The following MGARP variants were observed in gnomAD, a reference collection of about 807,000 sequenced individuals.
The protein encoded by MGARP is protein MGARP.
In MGARP, 12 loss-of-function variants were observed where a neutral mutation model predicts 11.0. That is an observed-to-expected ratio of 1.09 (90% confidence interval 0.70 to 1.77). The LOEUF (loss-of-function observed/expected upper bound fraction) is 1.77. Among genes scored for constraint, MGARP ranks in the 40% most tolerant of loss-of-function variants. The probability of loss-of-function intolerance (pLI) is 0.00; values close to 1 mark genes in which losing one functional copy is unlikely to be tolerated. For missense variants in MGARP, 283 were observed against 297.8 expected (o/e 0.95, Z 0.36); for synonymous variants, 110 against 115.4 (o/e 0.95, Z 0.30).
chr4:139,277,141 G>A lies in MGARP; in HGVS notation c.83-1749C>T, dbSNP rs114664665. Among the ~76,000 whole-genome samples the A allele has an allele frequency of 5.7e-3, 867 of 152,226 alleles. 12 individuals carry two copies. The highest frequency in any genetic ancestry group is 0.02 in the African/African-American group (822 of 41,526). ...AGTTTCTAATTTTGGAACATTTTGT[G>A]TTTTAGATTTTTGGATTAAGCATGT... On this transcript the variant is annotated intron_variant, in intron 1 of 3. Coordinates refer to ENST00000398955, the MANE Select transcript of MGARP (RefSeq NM_032623.4).
At chr4:139,275,260 T>C in intron 2 of MGARP, 29 bp downstream of exon 2, 3 of 1,568,268 alleles carry the variant, frequency 1.9e-6, no homozygotes, top group Admixed American at 1.7e-5. Flanking sequence ...ACATGAATTC[T>C]TGAGCACTGT....
At chr4:139,279,917 G>A (rs886125564) in intron 1 of MGARP, among the ~76,000 whole-genome samples, 160 bp downstream of exon 1, 1 of 152,226 alleles carries the variant, frequency 6.6e-6, no homozygotes, top group Non-Finnish European at 1.5e-5. Context: ...GCTTCGGGAC[G>A]TCTTCCCGGG....
At position 139,280,107 on chromosome 4, in the gene MGARP, G is replaced by C; in HGVS notation, c.52C>G (p.Pro18Ala). The C allele has an allele frequency of 6.2e-7, 1 of 1,612,050 alleles. No individual in the cohort carries two copies. Among genetic ancestry groups the C allele is most frequent in the Non-Finnish European group, 8.5e-7 (1 of 1,179,712 alleles). Reference sequence around the variant, plus strand: ...TTTCCGAGCGGCGCGGGGTTGGGGGGCGCCCTCAGCGGCAGCGCCAGAGTC... The same window carrying C: ...TTTCCGAGCGGCGCGGGGTTGGGGGCCGCCCTCAGCGGCAGCGCCAGAGTC... The part of the protein sequence containing the change: ...SKTLALPLRA[P>A]PNPAPLGKDA... Residue 18 changes from proline (P) to alanine (A), a missense_variant, in exon 1 of 4, where the codon CCC (proline) becomes GCC (alanine). Coordinates refer to ENST00000398955, the MANE Select transcript of MGARP (RefSeq NM_032623.4).
intron 3 of MGARP, among the ~76,000 whole-genome samples, chr4:139,267,670 A>T (rs1047960723): frequency 6.6e-6 from 1 of 152,260 alleles, no homozygotes; most frequent in Non-Finnish European, 1.5e-5. Flanking sequence ...AAACAACCGC[A>T]TGATTATATT....
intron 3 of MGARP, among the ~76,000 whole-genome samples, chr4:139,267,287 A>G (rs1287157429): frequency 6.6e-6 from 1 of 151,152 alleles, no homozygotes; most frequent in East Asian, 1.9e-4. Context: ...ATTTGCAAAA[A>G]CTCTCCAGGA....
In MGARP at chr4:139,268,578, G is replaced by A; in HGVS notation, c.280+94C>T. The A allele has an allele frequency of 4.8e-6, 4 of 834,982 alleles. No individual in the cohort carries two copies. The South Asian group carries it at 5.9e-5, about 12-fold the overall frequency. 51.7% of individuals were successfully genotyped at this position (834,982 alleles called of 1,614,324 possible). On this transcript the variant is annotated intron_variant, in intron 3 of 3. Transcript: ENST00000398955. The stretch of plus-strand genomic sequence containing the variant: ...CATTCTGGATTAAGCTAGGAAAGAA[G>A]CCAAAAGCAAATAGTGTTCATTGCT...
chr4:139,274,762 C>T (rs532940050), intron 2 of MGARP, among the ~76,000 whole-genome samples: 2 of 152,120 alleles, frequency 1.3e-5, no homozygotes, highest in Non-Finnish European at 1.5e-5. Flanking sequence ...GGATTACAGG[C>T]GTGAGCCACT....
chr4:139,273,545 GGC>G (rs1386327809), intron 2 of MGARP, among the ~76,000 whole-genome samples: 2 of 133,968 alleles, frequency 1.5e-5, no homozygotes. Flanking sequence ...GACAGAGTCT[GGC>G]TCTCTCACCC....
chr4:139,273,298 C>T lies in MGARP; in HGVS notation c.186+1991G>A, dbSNP rs574773167. ...GCAGTGGTGCAATCTCAGCTCACTGCAGCCTTAACTTCCCAGGCTCAAGCG... is the reference window on the plus strand; with the variant it reads ...GCAGTGGTGCAATCTCAGCTCACTGTAGCCTTAACTTCCCAGGCTCAAGCG... On this transcript the variant is annotated intron_variant, in intron 2 of 3. Coordinates refer to ENST00000398955, the MANE Select transcript of MGARP (RefSeq NM_032623.4). 4.6e-5 allele frequency among the ~76,000 whole-genome samples: 7 copies of T among 152,160 alleles called. No homozygotes were observed. The East Asian group carries it at 1.4e-3, about 29-fold the overall frequency.
At chr4:139,279,758 T>C (rs1404325992) in intron 1 of MGARP, among the ~76,000 whole-genome samples, 1 of 152,172 alleles carries the variant, frequency 6.6e-6, no homozygotes, top group Non-Finnish European at 1.5e-5. Context: ...TAACCATACA[T>C]TAACTCATTA....
Position 139,266,790 on chromosome 4 carries a change from C to T in MGARP, c.532G>A (p.Glu178Lys), listed in dbSNP as rs754607391. ...TCATCCAGGGCAGCATTTGTAACCT[C>T]TGGGGTTGTTTCAGGGTTTACTTCC... Reference protein sequence around the residue: ...TTEVNPETTPEVTNAALDEAV... With the variant: ...TTEVNPETTPKVTNAALDEAV... The change falls in exon 4 of 4, where the codon GAG (glutamate) becomes AAG (lysine). Residue 178 changes from glutamate (E) to lysine (K), a missense_variant. Transcript: ENST00000398955. The T allele has an allele frequency of 8.7e-6, 14 of 1,614,188 alleles. No individual in the cohort carries two copies. The highest frequency in any genetic ancestry group is 1.2e-5 in the Non-Finnish European group (14 of 1,180,042).
At chr4:139,278,656 A>C (rs1439002957) in intron 1 of MGARP, among the ~76,000 whole-genome samples, 1 of 152,180 alleles carries the variant, frequency 6.6e-6, no homozygotes, top group Non-Finnish European at 1.5e-5. Flanking sequence ...AGATAAAACG[A>C]AAGGCCACGG....
At chr4:139,274,366 A>G (rs1246573894) in intron 2 of MGARP, among the ~76,000 whole-genome samples, 2 of 152,096 alleles carry the variant, frequency 1.3e-5, no homozygotes, top group Non-Finnish European at 2.9e-5. Context: ...TTAATAGGGG[A>G]AAGGAGGAGG....
intron 1 of MGARP, among the ~76,000 whole-genome samples, chr4:139,275,814 T>C (rs182543697): frequency 6.6e-6 from 1 of 152,368 alleles, no homozygotes; most frequent in Non-Finnish European, 1.5e-5. Context: ...TGTAATACAA[T>C]TTGTATTTAT....
Position 139,268,665 on chromosome 4 carries a change from C to A in MGARP, c.280+7G>T, listed in dbSNP as rs1313860749. 13 of 1,558,994 alleles carry A rather than the reference C, an allele frequency of 8.3e-6. No homozygotes were observed. Among genetic ancestry groups the A allele is most frequent in the Admixed American group, 3.8e-5 (2 of 53,186 alleles). On this transcript the variant is annotated splice_region_variant and intron_variant, in intron 3 of 3. Transcript: ENST00000398955. ...AATAAAAATAAAAAATTAAGAAATT[C>A]ATTTACCTTGAAATGGATGTATCTC... is the stretch of plus-strand genomic sequence containing the variant.
intron 2 of MGARP, among the ~76,000 whole-genome samples, chr4:139,272,423 G>A (rs1473995588): frequency 6.6e-6 from 1 of 151,572 alleles, no homozygotes; most frequent in Non-Finnish European, 1.5e-5. Flanking sequence ...GCTGGGCGTG[G>A]TAGTGGGCAC....
rs1359300813 is a variant in MGARP, at chr4:139,280,077, C to T, written c.82G>A (p.Ala28Thr). 2.5e-6 allele frequency: 4 copies of T among 1,611,998 alleles called. No homozygotes were observed. The African/African-American group carries it at 4.0e-5, about 16-fold the overall frequency. The change falls in exon 1 of 4, where the codon GCA becomes ACA. Residue 28 changes from alanine to threonine, a missense_variant and splice_region_variant. Coordinates refer to ENST00000398955, the MANE Select transcript of MGARP (RefSeq NM_032623.4). ...PPNPAPLGKD[A>T]SLRRMSSNRF... is the part of the protein sequence containing the mutation. Reference sequence around the variant, plus strand: ...CTCCGGGCTAGACCTCCTTACTCACCGTCCTTTCCGAGCGGCGCGGGGTTG... The same window carrying T: ...CTCCGGGCTAGACCTCCTTACTCACTGTCCTTTCCGAGCGGCGCGGGGTTG...
rs1269446024 is a variant in MGARP, at chr4:139,266,696, T to C, written c.626A>G (p.Glu209Gly). The change falls in exon 4 of 4, where the codon GAA becomes GGA. Residue 209 changes from glutamate (E) to glycine (G), a missense_variant. Coordinates refer to ENST00000398955, the MANE Select transcript of MGARP (RefSeq NM_032623.4). ...NETSDEYAEL[E>G]EENSPAESES... ...TGACTCAGCTGGAGAATTTTCTTCT[T>C]CTAGTTCAGCATATTCATCAGAGGT... is the stretch of plus-strand genomic sequence containing the variant. The C allele has an allele frequency of 6.2e-7, 1 of 1,614,188 alleles. No homozygotes were observed.
intron 2 of MGARP, among the ~76,000 whole-genome samples, chr4:139,273,887 AACTT>A (rs1744826448): frequency 6.6e-6 from 1 of 152,190 alleles, no homozygotes; most frequent in African/African-American, 2.4e-5. Context: ...CTCAAGTCTT[AACTT>A]ACTTAACTAA....
Sources: gnomAD v4.1 joint callset for allele counts (sites outside exome capture counted in the v4.1 genomes callset) on GRCh38, gnomAD v4.1.1 for gene constraint, MANE v1.5 for transcripts, NCBI Gene and HGNC (gene_info 2026-07-23, HGNC 2026-07-21) for gene names.